Variants in ZEB2 observed in about 807,000 individuals in gnomAD.
ZEB2 encodes the protein zinc finger E-box binding homeobox 2.
ZEB2 carries 6 observed loss-of-function variants against 99.9 expected under a neutral mutation model. The observed-to-expected ratio is 0.06, with a 90% CI of 0.03 to 0.12. The LOEUF (loss-of-function observed/expected upper bound fraction) is 0.12. Ranked by LOEUF, ZEB2 falls within the 10% of genes least tolerant of loss-of-function variation. The probability of loss-of-function intolerance (pLI) is 1.00; values close to 1 mark genes in which losing one functional copy is unlikely to be tolerated. For missense variants in ZEB2, 969 were observed against 1,502.8 expected, an observed-to-expected ratio of 0.64 and a Z score of 5.87; for synonymous variants, 517 against 542.5, an observed-to-expected ratio of 0.95 and a Z score of 0.65.
At chr2:144,402,122 C>T (rs1703320091) in intron 6 of ZEB2, among the ~76,000 whole-genome samples, 1 of 151,894 alleles carries the variant, frequency 6.6e-6, no homozygotes, top group South Asian at 2.1e-4. Context: ...CCTGAAAAGA[C>T]AAGTTAAAAG....
At chr2:144,403,710 C>T (rs994220603) in intron 6 of ZEB2, among the ~76,000 whole-genome samples, 1 of 152,106 alleles carries the variant, frequency 6.6e-6, no homozygotes, top group African/African-American at 2.4e-5. Context: ...GAAATTAACA[C>T]ACTCATTCGA....
chr2:144,459,911 A>C lies in ZEB2; in HGVS notation c.74-29885T>G, dbSNP rs79910836. 5.1e-3 allele frequency among the ~76,000 whole-genome samples: 775 copies of C among 152,196 alleles called. 18 individuals are homozygous for C. The East Asian group carries it at 0.075, about 15-fold the overall frequency. ...GGAAAACAGGCTCGTAGATTTTAAC[A>C]CTCCGAAACTTTTGGCCCTGTGCAT... On this transcript the variant is annotated intron_variant, in intron 2 of 9. Transcript: ENST00000627532.
At chr2:144,484,609 A>G (rs1704567900) in intron 2 of ZEB2, among the ~76,000 whole-genome samples, 1 of 152,076 alleles carries the variant, frequency 6.6e-6, no homozygotes. Context: ...TGTGAAGCTA[A>G]AGGTGGTGAA....
intron 9 of ZEB2, among the ~76,000 whole-genome samples, chr2:144,393,960 C>T (rs367968741): frequency 6.6e-6 from 1 of 152,136 alleles, no homozygotes; most frequent in Admixed American, 6.5e-5. Flanking sequence ...CTCACACTGT[C>T]GGCCAGGCTG....
chr2:144,405,844 T>C (rs567977874), intron 4 of ZEB2, among the ~76,000 whole-genome samples: 1 of 152,238 alleles, frequency 6.6e-6, no homozygotes, highest in Non-Finnish European at 1.5e-5. Flanking sequence ...TTTTAGCAAC[T>C]TGTGTCATAA....
chr2:144,411,121 T>TAGAC (rs10666828), intron 4 of ZEB2, among the ~76,000 whole-genome samples: 1 of 106,678 alleles, frequency 9.4e-6, no homozygotes, highest in African/African-American at 3.4e-5. Flanking sequence ...GCATCTCATA[T>TAGAC]ATACACACAC....
At chr2:144,519,444 T>TATCATTAAAAAAA in intron 1 of ZEB2, 3 of 153,676 alleles carry the variant, frequency 2.0e-5, no homozygotes, top group South Asian at 2.0e-4. Flanking sequence ...AACTGCCATG[T>TATCATTAAAAAAA]CTAAGAGAAA....
intron 2 of ZEB2, among the ~76,000 whole-genome samples, chr2:144,440,041 G>A (rs1338249313): frequency 6.6e-6 from 1 of 152,060 alleles, no homozygotes; most frequent in Non-Finnish European, 1.5e-5. Flanking sequence ...GTGGCTAAAT[G>A]TTTTTAAAGG....
chr2:144,512,944 T>A, intron 2 of ZEB2: 1 of 1,287,166 alleles, frequency 7.8e-7, no homozygotes. Context: ...CCCTAGAAGC[T>A]CATCAACTTT....
chr2:144,477,429 C>T (rs1402389735), intron 2 of ZEB2, among the ~76,000 whole-genome samples: 2 of 152,166 alleles, frequency 1.3e-5, no homozygotes, highest in Non-Finnish European at 2.9e-5. Context: ...CCAACTTTAA[C>T]CCCTTTACTG....
rs908621792 is a variant in ZEB2, at chr2:144,512,597, T to C, written c.73+4681A>G. 12 of 1,287,124 alleles carry C rather than the reference T, an allele frequency of 9.3e-6. No homozygotes were observed. In the African/African-American group the frequency reaches 1.7e-4, roughly 18 times the overall value. 79.7% of individuals were successfully genotyped at this position (1,287,124 alleles called of 1,614,324 possible). On this transcript the variant is annotated intron_variant, in intron 2 of 9. Coordinates refer to ENST00000627532, the MANE Select transcript of ZEB2 (RefSeq NM_014795.4). ...CAAATGGTGGAAGACGTGAATTTAT[T>C]TGTATCTGGTAACAGAGAAACAATG...
At chr2:144,402,610 G>A (rs999538432) in intron 6 of ZEB2, among the ~76,000 whole-genome samples, 2 of 152,150 alleles carry the variant, frequency 1.3e-5, no homozygotes, top group African/African-American at 4.8e-5. Flanking sequence ...GAGCAAATGA[G>A]GGGACTTTTC....
chr2:144,406,862 T>C (rs745994924), intron 4 of ZEB2, among the ~76,000 whole-genome samples: 1 of 152,182 alleles, frequency 6.6e-6, no homozygotes, highest in Non-Finnish European at 1.5e-5. Flanking sequence ...GAGGTTCCTG[T>C]CCTAGGCCAG....
intron 2 of ZEB2, among the ~76,000 whole-genome samples, chr2:144,492,817 A>C (rs1401777443): frequency 6.6e-6 from 1 of 152,268 alleles, no homozygotes; most frequent in African/African-American, 2.4e-5. Flanking sequence ...AAAGTTACCC[A>C]AAGCTTTTTT....
chr2:144,504,932 A>T (rs1704931703), intron 2 of ZEB2, among the ~76,000 whole-genome samples: 1 of 152,218 alleles, frequency 6.6e-6, no homozygotes, highest in African/African-American at 2.4e-5. Flanking sequence ...AACTAGCAAC[A>T]GCAAACATCC....
At chr2:144,485,541 T>C (rs1413348463) in intron 2 of ZEB2, among the ~76,000 whole-genome samples, 1 of 152,130 alleles carries the variant, frequency 6.6e-6, no homozygotes, top group Non-Finnish European at 1.5e-5. Flanking sequence ...GTTGGGGAGT[T>C]ATTTCTTTAT....
chr2:144,495,931 G>C (rs574143449), intron 2 of ZEB2: 1 of 152,348 alleles, frequency 6.6e-6, no homozygotes, highest in East Asian at 1.9e-4. Context: ...TGGTTTTAAA[G>C]ATAAATGGCT....
intron 5 of ZEB2, among the ~76,000 whole-genome samples, 196 bp from the exon 6 acceptor site, chr2:144,404,326 A>G (rs1703352960): frequency 1.6e-5 from 2 of 127,516 alleles, no homozygotes; most frequent in African/African-American, 6.0e-5. Flanking sequence ...ATCAGCTCAC[A>G]CTGTGCTCAA....
At chr2:144,458,484 T>C (rs901834869) in intron 2 of ZEB2, among the ~76,000 whole-genome samples, 1 of 152,112 alleles carries the variant, frequency 6.6e-6, no homozygotes, top group African/African-American at 2.4e-5. Context: ...ATCACAGTAT[T>C]CACCTTGGAA....
Sources: allele counts gnomAD v4.1 joint callset (sites outside exome capture counted in the v4.1 genomes callset), GRCh38; gene constraint gnomAD v4.1.1; transcripts MANE v1.5; gene names NCBI Gene and HGNC (gene_info 2026-07-23, HGNC 2026-07-21).